The following WBP1L variants were observed in gnomAD, a reference collection of about 807,000 sequenced individuals.
WBP1L encodes the protein WW domain binding protein 1-like.
WBP1L carries 17 observed loss-of-function variants against 33.7 expected under a neutral mutation model. That is an observed-to-expected ratio of 0.50 (90% CI 0.34 to 0.76). The LOEUF is 0.76. Ranked by LOEUF, WBP1L falls within the 30% of genes least tolerant of loss-of-function variation. The pLI, the probability that WBP1L is intolerant of heterozygous loss-of-function variation, is 0.01. For missense variants in WBP1L, 389 were observed against 469.4 expected, an observed-to-expected ratio of 0.83 and a Z score of 1.58; for synonymous variants, 173 against 190.8, an observed-to-expected ratio of 0.91 and a Z score of 0.77.
rs116205222 is a variant in WBP1L, at chr10:102,807,676, C to T, written c.194-2217C>T. Among the ~76,000 whole-genome samples the T allele has an allele frequency of 8.3e-3, 1,262 of 152,056 alleles. 12 individuals are homozygous for T. The highest frequency in any genetic ancestry group is 0.028 in the African/African-American group (1,160 of 41,488). On this transcript the variant is annotated intron_variant, in intron 2 of 3. Coordinates refer to ENST00000448841, the MANE Select transcript of WBP1L (RefSeq NM_001083913.2). ...GTGTGAGCCCCTGCGCCCAGCCATACGTACTTTTTTTAAGCAAAAGTTAGG... is the reference window on the plus strand; with the variant it reads ...GTGTGAGCCCCTGCGCCCAGCCATATGTACTTTTTTTAAGCAAAAGTTAGG...
chr10:102,814,179 T>C lies in WBP1L; in HGVS notation c.*848T>C, dbSNP rs284858. 0.57 allele frequency: 86,897 copies of C among 152,124 alleles called. 24,973 individuals are homozygous for C. Among genetic ancestry groups the C allele is most frequent in the Middle Eastern group, 0.64 (189 of 294 alleles). 9.4% of individuals were successfully genotyped at this position (152,124 alleles called of 1,614,324 possible). On this transcript the variant is annotated 3_prime_UTR_variant, in exon 4 of 4. Coordinates refer to ENST00000448841, the MANE Select transcript of WBP1L (RefSeq NM_001083913.2). Reference sequence around the variant, plus strand: ...GTTGGCCTTCAAAGAGCCTGCCTGCTGTTGAGCCAGAAGATGTCTCGTGTG... The same window carrying C: ...GTTGGCCTTCAAAGAGCCTGCCTGCCGTTGAGCCAGAAGATGTCTCGTGTG...
chr10:102,771,911 A>C (rs1843190915), intron 1 of WBP1L, among the ~76,000 whole-genome samples: 1 of 152,102 alleles, frequency 6.6e-6, no homozygotes, highest in Non-Finnish European at 1.5e-5. Context: ...GCCTCGGTAG[A>C]AGGATATCTC....
At chr10:102,784,905 C>T (rs1192698554) in intron 1 of WBP1L, among the ~76,000 whole-genome samples, 1 of 143,868 alleles carries the variant, frequency 7.0e-6, no homozygotes, top group Non-Finnish European at 1.5e-5. Flanking sequence ...GGGACAGAGT[C>T]TTGCTCTGTT....
intron 1 of WBP1L, among the ~76,000 whole-genome samples, chr10:102,786,453 A>G (rs1843416774): frequency 6.6e-6 from 1 of 152,212 alleles, no homozygotes; most frequent in African/African-American, 2.4e-5. Context: ...AGCATGTTTT[A>G]AAAGGCGGAT....
chr10:102,768,364 G>GTTTTTTGTTTT (rs1843139144), intron 1 of WBP1L, among the ~76,000 whole-genome samples: 1 of 44,564 alleles, frequency 2.2e-5, no homozygotes, highest in African/African-American at 1.1e-4. Context: ...CCTGGCATTA[G>GTTTTTTGTTTT]TTTTTTGTTT....
chr10:102,772,661 C>G (rs913274281), intron 1 of WBP1L, among the ~76,000 whole-genome samples: 2 of 146,842 alleles, frequency 1.4e-5, no homozygotes, highest in East Asian at 4.0e-4. Flanking sequence ...CCTCTCCCTC[C>G]TGGGCTCAAG....
intron 1 of WBP1L, among the ~76,000 whole-genome samples, chr10:102,781,164 T>C (rs1414693500): frequency 6.6e-6 from 1 of 152,178 alleles, no homozygotes; most frequent in Non-Finnish European, 1.5e-5. Context: ...TGCATGGTAC[T>C]TACTCCCTGG....
chr10:102,801,084 A>C (rs1232989101), intron 2 of WBP1L, among the ~76,000 whole-genome samples: 2 of 152,176 alleles, frequency 1.3e-5, no homozygotes, highest in Non-Finnish European at 2.9e-5. Flanking sequence ...TTACACAGAC[A>C]CACAAGCACA....
chr10:102,808,974 G>A (rs188382104), intron 2 of WBP1L, among the ~76,000 whole-genome samples: 11 of 152,290 alleles, frequency 7.2e-5, no homozygotes, highest in Non-Finnish European at 1.0e-4. Flanking sequence ...CCTATAATAC[G>A]GGGGGACCCA....
At chr10:102,791,485 G>T (rs2134053899) in intron 1 of WBP1L, among the ~76,000 whole-genome samples, 1 of 152,228 alleles carries the variant, frequency 6.6e-6, no homozygotes, top group East Asian at 1.9e-4. Flanking sequence ...ATGATTTGGA[G>T]AACTGAACAT....
chr10:102,805,665 G>A (rs1281753113), intron 2 of WBP1L, among the ~76,000 whole-genome samples: 2 of 151,864 alleles, frequency 1.3e-5, no homozygotes, highest in East Asian at 3.9e-4. Flanking sequence ...GGCTGAGGCA[G>A]GGGGATTGCT....
rs574930959 is a variant in WBP1L, at chr10:102,791,841, G to GT, written c.91-6148dup. 3.3e-3 allele frequency among the ~76,000 whole-genome samples: 499 copies of GT among 152,304 alleles called. 1 individual carries two copies. Among genetic ancestry groups the GT allele is most frequent in the Non-Finnish European group, 6.0e-3 (406 of 68,026 alleles). Reference sequence around the variant, plus strand: ...TTGCCATTAGCCAGTTGCTAGCAGAGTTTTCCAGACCCATAAATTGGCAGA... The same window carrying GT: ...TTGCCATTAGCCAGTTGCTAGCAGAGTTTTTCCAGACCCATAAATTGGCAGA... On this transcript the variant is annotated intron_variant, in intron 1 of 3. Transcript: ENST00000448841.
At chr10:102,783,832 A>G (rs962769304) in intron 1 of WBP1L, among the ~76,000 whole-genome samples, 2 of 152,248 alleles carry the variant, frequency 1.3e-5, no homozygotes, top group South Asian at 4.1e-4. Context: ...ACCTTGGGGT[A>G]GAAACCACAG....
At chr10:102,780,915 T>C (rs931311726) in intron 1 of WBP1L, among the ~76,000 whole-genome samples, 10 of 152,164 alleles carry the variant, frequency 6.6e-5, no homozygotes, top group African/African-American at 2.2e-4. Context: ...GAATATTGCC[T>C]TTCTCAGTGG....
intron 1 of WBP1L, among the ~76,000 whole-genome samples, chr10:102,779,644 A>G (rs188657780): frequency 1.3e-5 from 2 of 152,154 alleles, no homozygotes; most frequent in South Asian, 4.1e-4. Flanking sequence ...GGGCCCCAGA[A>G]TATGCATTTC....
intron 1 of WBP1L, among the ~76,000 whole-genome samples, chr10:102,780,235 G>T (rs1843318652): frequency 1.3e-5 from 2 of 152,188 alleles, no homozygotes; most frequent in Admixed American, 1.3e-4. Context: ...AATGCTTTTT[G>T]TGCTTAGATG....
In WBP1L at chr10:102,797,937, G is replaced by A. The variant is rs949136176; in HGVS notation, c.91-56G>A. 9.5e-6 allele frequency: 14 copies of A among 1,466,898 alleles called. No homozygotes were observed. In the African/African-American group the frequency reaches 1.7e-4, roughly 17 times the overall value. The allele number at this position is 1,466,898 out of a possible 1,614,324, so 90.9% of individuals were successfully genotyped here. ...ACAACCAGGAGGACAATGATGAGAA[G>A]GAAAGTGTTCAAAAGCTGTCATTTA... On this transcript the variant is annotated intron_variant, in intron 1 of 3. Coordinates refer to ENST00000448841, the MANE Select transcript of WBP1L (RefSeq NM_001083913.2).
In WBP1L at chr10:102,785,018, G is replaced by C. The variant is rs1014246536; in HGVS notation, c.91-12975G>C. 5.3e-5 allele frequency among the ~76,000 whole-genome samples: 8 copies of C among 152,092 alleles called. 1 individual carries two copies. Among genetic ancestry groups the C allele is most frequent in the African/African-American group, 1.4e-4 (6 of 41,490 alleles). On this transcript the variant is annotated intron_variant, in intron 1 of 3. Transcript: ENST00000448841. Reference sequence around the variant, plus strand: ...AGCATCCCAGGTAGCTGGGATTACAGGCACCCGCCATCATGCCCGGCTAAA... The same window carrying C: ...AGCATCCCAGGTAGCTGGGATTACACGCACCCGCCATCATGCCCGGCTAAA...
At chr10:102,756,042 C>A (rs4919670) in intron 1 of WBP1L, among the ~76,000 whole-genome samples, 105,179 of 151,632 alleles carry the variant, frequency 0.69, 36,706 homozygotes, top group East Asian at 0.9. Context: ...ATATAGACAA[C>A]CATATATCTA....
Sources: gnomAD v4.1 joint callset for allele counts (sites outside exome capture counted in the v4.1 genomes callset) on GRCh38, gnomAD v4.1.1 for gene constraint, MANE v1.5 for transcripts, NCBI Gene and HGNC (gene_info 2026-07-23, HGNC 2026-07-21) for gene names.